Variants in ABLIM2 observed in about 807,000 individuals in gnomAD.
The protein encoded by ABLIM2 is actin binding LIM protein family member 2, also known as actin-binding LIM protein 2.
In ABLIM2, 53 loss-of-function variants were observed where a neutral mutation model predicts 97.7. That is an observed-to-expected ratio of 0.54 (90% CI 0.44 to 0.68). ABLIM2 has a LOEUF of 0.68. Ranked by LOEUF, ABLIM2 falls within the 30% of genes least tolerant of loss-of-function variation. The pLI is 0.00. For synonymous variants in ABLIM2, 361 were observed against 345.8 expected (o/e 1.04, Z -0.49); for missense variants, 835 against 867.2 (o/e 0.96, Z 0.47).
At chr4:8,039,874 GTTTTTT>G (rs397947626) in intron 9 of ABLIM2, among the ~76,000 whole-genome samples, 4 of 108,630 alleles carry the variant, frequency 3.7e-5, no homozygotes, top group African/African-American at 6.8e-5. Context: ...GCTGATTACT[GTTTTTT>G]TTTTTTTTTT....
At chr4:7,967,750 T>G (rs989545625) in intron 20 of ABLIM2, among the ~76,000 whole-genome samples, 3 of 152,108 alleles carry the variant, frequency 2.0e-5, no homozygotes, top group Non-Finnish European at 4.4e-5. Flanking sequence ...TGGGATGCCA[T>G]AGGAGTGAGT....
At chr4:8,103,556 G>C (rs148057030) in intron 2 of ABLIM2, among the ~76,000 whole-genome samples, 2 of 152,366 alleles carry the variant, frequency 1.3e-5, no homozygotes, top group South Asian at 4.1e-4. Context: ...TCTTGGCACT[G>C]GGCCTGCCCT....
At chr4:7,967,879 G>A (rs1470163728) in intron 20 of ABLIM2, among the ~76,000 whole-genome samples, 1 of 152,242 alleles carries the variant, frequency 6.6e-6, no homozygotes, top group African/African-American at 2.4e-5. Flanking sequence ...CTGTACCCGT[G>A]GGTGCTGGCT....
In ABLIM2 at chr4:7,965,667, G is replaced by C. The variant is rs543559583; in HGVS notation, c.*1323C>G. 1 of 152,320 alleles carries C rather than the reference G, an allele frequency of 6.6e-6. No individual in the cohort carries two copies. Among genetic ancestry groups the C allele is most frequent in the Non-Finnish European group, 1.5e-5 (1 of 68,052 alleles). The allele number at this position is 152,320 out of a possible 1,614,324, so 9.4% of individuals were successfully genotyped here. A position where few individuals can be genotyped will look rare whatever the true frequency, so the allele number is the denominator to read the frequency against. ...CGCTTATCAGCATCCTGTGACGGCC[G>C]GTGCTGCACCCTAACACACACCTAA... On this transcript the variant is annotated 3_prime_UTR_variant, in exon 21 of 21. Transcript: ENST00000447017.
Position 8,148,667 on chromosome 4 carries a change from C to T in ABLIM2, c.10+10013G>A, listed in dbSNP as rs1455674667. On this transcript the variant is annotated intron_variant, in intron 1 of 20. Transcript: ENST00000447017. This position sits in a 1 kb window ranked among gnomAD's most constrained non-coding sequence, Gnocchi z 6.7. Reference sequence around the variant, plus strand: ...CCCCCGTGGGCATGCACAGCAGAGTCCTGCTTGCCTGGAAGCAAATGCTAC... The same window carrying T: ...CCCCCGTGGGCATGCACAGCAGAGTTCTGCTTGCCTGGAAGCAAATGCTAC... 6.6e-6 allele frequency among the ~76,000 whole-genome samples: 1 copy of T among 152,152 alleles called. No individual in the cohort carries two copies. Among genetic ancestry groups the T allele is most frequent in the East Asian group, 1.9e-4 (1 of 5,192 alleles).
chr4:8,095,389 C>G lies in ABLIM2; in HGVS notation c.338+1710G>C. On this transcript the variant is annotated intron_variant, in intron 3 of 20. Coordinates refer to ENST00000447017, the MANE Select transcript of ABLIM2 (RefSeq NM_001130083.2). The surrounding 1 kb of genome is among the most constrained non-coding windows in gnomAD (Gnocchi z 4.7). ...AAAGTGGAGGGATTATAGGCATGAG[C>G]TGCTGTGCCCAGCCATCACCAGCAA... Among the ~76,000 whole-genome samples the G allele has an allele frequency of 6.6e-6, 1 of 152,178 alleles. No individual in the cohort carries two copies. Among genetic ancestry groups the G allele is most frequent in the Non-Finnish European group, 1.5e-5 (1 of 68,030 alleles).
intron 1 of ABLIM2, among the ~76,000 whole-genome samples, chr4:8,141,783 A>T (rs918904615): frequency 3.9e-5 from 6 of 152,244 alleles, no homozygotes; most frequent in Non-Finnish European, 7.3e-5. Flanking sequence ...TAAGTAAAGG[A>T]GAATTTGCAA....
intron 11 of ABLIM2, among the ~76,000 whole-genome samples, chr4:8,029,159 C>T (rs1474071676): frequency 1.3e-5 from 2 of 152,170 alleles, no homozygotes; most frequent in Admixed American, 1.3e-4. Context: ...CCCATTCTCC[C>T]GTGAGGACAG....
chr4:8,048,280 G>A (rs905792572), intron 8 of ABLIM2, among the ~76,000 whole-genome samples: 4 of 152,162 alleles, frequency 2.6e-5, no homozygotes, highest in Non-Finnish European at 5.9e-5. Context: ...CTTGGCAATG[G>A]AACTCAATAT....
intron 9 of ABLIM2, among the ~76,000 whole-genome samples, chr4:8,037,722 G>A (rs1785475649): frequency 6.6e-6 from 1 of 152,204 alleles, no homozygotes; most frequent in African/African-American, 2.4e-5. Context: ...CATGCTGCCT[G>A]CAGCAAAGCA....
At position 8,004,235 on chromosome 4, in the gene ABLIM2, C is replaced by T. The variant is rs1274427032; in HGVS notation, c.1618+3824G>A. Among the ~76,000 whole-genome samples, 2 of 152,006 alleles carry T rather than the reference C, an allele frequency of 1.3e-5. No individual in the cohort carries two copies. Among genetic ancestry groups the T allele is most frequent in the Non-Finnish European group, 2.9e-5 (2 of 68,010 alleles). ...AGCACCTCCCACCAGACATGGGACT[C>T]CGCCCGGTCCCACAGCGAGAGGACA... On this transcript the variant is annotated intron_variant, in intron 16 of 20. Transcript: ENST00000447017. The surrounding 1 kb of genome is among the most constrained non-coding windows in gnomAD (Gnocchi z 5.9).
chr4:8,059,436 G>A (rs1801427165), intron 7 of ABLIM2, among the ~76,000 whole-genome samples: 1 of 152,070 alleles, frequency 6.6e-6, no homozygotes, highest in Non-Finnish European at 1.5e-5. Flanking sequence ...AGGAAGATGA[G>A]GATGACCGGA....
intron 14 of ABLIM2, among the ~76,000 whole-genome samples, chr4:8,017,369 T>G (rs1770162190): frequency 6.6e-6 from 1 of 151,802 alleles, no homozygotes. Flanking sequence ...TCACTGCAAC[T>G]TCCGCCTCCT....
chr4:8,098,317 T>A (rs1312629165), intron 2 of ABLIM2, among the ~76,000 whole-genome samples: 1 of 152,270 alleles, frequency 6.6e-6, no homozygotes, highest in Admixed American at 6.5e-5. Context: ...TCATACATTT[T>A]AAACCTGACA....
Position 8,005,216 on chromosome 4 carries a change from C to G in ABLIM2, c.1618+2843G>C, listed in dbSNP as rs1175914973. On this transcript the variant is annotated intron_variant, in intron 16 of 20. Transcript: ENST00000447017. This position sits in a 1 kb window ranked among gnomAD's most constrained non-coding sequence, Gnocchi z 4.9. ...TGCGCTCGCTCTGTCGGCGTCTCTG[C>G]CTCTCTCAGCTCCCTGCACGCTTCT... 2.1e-6 allele frequency: 1 copy of G among 469,304 alleles called. No homozygotes were observed. Among genetic ancestry groups the G allele is most frequent in the South Asian group, 1.6e-5 (1 of 63,468 alleles). The allele number at this position is 469,304 out of a possible 1,614,324, so 29.1% of individuals were successfully genotyped here. A position where few individuals can be genotyped will look rare whatever the true frequency, so the allele number is the denominator to read the frequency against.
At position 7,968,876 on chromosome 4, in the gene ABLIM2, C is replaced by G. The variant is rs558166645; in HGVS notation, c.1825-1773G>C. On this transcript the variant is annotated intron_variant, in intron 20 of 20. Coordinates refer to ENST00000447017, the MANE Select transcript of ABLIM2 (RefSeq NM_001130083.2). ...TTAAAATGGGCCGGGGGTGGCAGCT[C>G]ACGCCTGTAATCCCAGCACTTTGGG... 9.8e-5 allele frequency among the ~76,000 whole-genome samples: 15 copies of G among 152,316 alleles called. No homozygotes were observed. In the South Asian group the frequency reaches 3.1e-3, roughly 32 times the overall value.
At position 8,075,341 on chromosome 4, in the gene ABLIM2, A is replaced by T. The variant is rs1460263166; in HGVS notation, c.675+2287T>A. Among the ~76,000 whole-genome samples the T allele has an allele frequency of 4.6e-5, 7 of 152,082 alleles. No homozygotes were observed. Among genetic ancestry groups the T allele is most frequent in the Non-Finnish European group, 8.8e-5 (6 of 68,020 alleles). On this transcript the variant is annotated intron_variant, in intron 6 of 20. Coordinates refer to ENST00000447017, the MANE Select transcript of ABLIM2 (RefSeq NM_001130083.2). This position sits in a 1 kb window ranked among gnomAD's most constrained non-coding sequence, Gnocchi z 4.4. ...ATGGGGTTCTTTCTAAGGTGAGGAA[A>T]CTGTTCTAAAATTGACTGTGGAGAT...
At chr4:8,092,389 G>A (rs769491795) in intron 3 of ABLIM2, among the ~76,000 whole-genome samples, 95 of 152,218 alleles carry the variant, frequency 6.2e-4, no homozygotes, top group Non-Finnish European at 1.1e-3. Context: ...AGCTGGGAAC[G>A]GAATCATGCA....
At chr4:8,143,141 T>C (rs1182606975) in intron 1 of ABLIM2, among the ~76,000 whole-genome samples, 1 of 59,024 alleles carries the variant, frequency 1.7e-5, no homozygotes, top group Non-Finnish European at 3.4e-5. Flanking sequence ...GTGCCCATAC[T>C]GGGAGCGGGG....
Sources: gnomAD v4.1 joint callset for allele counts (sites outside exome capture counted in the v4.1 genomes callset) on GRCh38, gnomAD v4.1.1 for gene constraint, Gnocchi (gnomAD v3.1) non-coding constraint, MANE v1.5 for transcripts, NCBI Gene and HGNC (gene_info 2026-07-23, HGNC 2026-07-21) for gene names.